ARHGAP26: variants seen among roughly 807,000 people sequenced by gnomAD.
ARHGAP26 encodes the protein rho GTPase-activating protein 26.
A neutral mutation model predicts 104.8 loss-of-function variants in ARHGAP26; 38 were observed. That is an observed-to-expected ratio of 0.36 (90% CI 0.28 to 0.48). The LOEUF (loss-of-function observed/expected upper bound fraction) is 0.48, where lower values mean the gene tolerates loss of function less well. ARHGAP26 is among the 20% of genes least tolerant of loss of function. ARHGAP26 has a pLI of 0.99. For synonymous variants in ARHGAP26, 341 were observed against 340.0 expected, an observed-to-expected ratio of 1.00 and a Z score of -0.03; for missense variants, 704 against 947.9, an observed-to-expected ratio of 0.74 and a Z score of 3.38.
At chr5:142,979,307 A>G (rs1049980501) in intron 11 of ARHGAP26, among the ~76,000 whole-genome samples, 1 of 152,172 alleles carries the variant, frequency 6.6e-6, no homozygotes, top group African/African-American at 2.4e-5. Flanking sequence ...TCCTCTCTAT[A>G]TCATCCCCCA....
chr5:142,839,880 C>CAG (rs1205133736), intron 1 of ARHGAP26, among the ~76,000 whole-genome samples: 2 of 114,866 alleles, frequency 1.7e-5, no homozygotes, highest in Admixed American at 1.3e-4. Context: ...TGTGTTGCGA[C>CAG]AGAGAGAGAG....
chr5:142,806,473 A>ATGTGTG (rs34179083), intron 1 of ARHGAP26, among the ~76,000 whole-genome samples: 75 of 147,776 alleles, frequency 5.1e-4, no homozygotes, highest in Non-Finnish European at 7.7e-4. Context: ...AGGCAATGAA[A>ATGTGTG]TGTGTGTGTG....
chr5:142,961,853 C>G (rs1352131939), intron 11 of ARHGAP26, among the ~76,000 whole-genome samples: 1 of 152,154 alleles, frequency 6.6e-6, no homozygotes, highest in Non-Finnish European at 1.5e-5. Context: ...TCTTCTCACT[C>G]TTCATATTTT....
At chr5:142,821,965 C>T (rs536355762) in intron 1 of ARHGAP26, among the ~76,000 whole-genome samples, 5 of 152,204 alleles carry the variant, frequency 3.3e-5, no homozygotes, top group Admixed American at 6.5e-5. Flanking sequence ...AAGGGCTGAC[C>T]CAGCCCTTTG....
At chr5:143,103,234 G>A (rs1793511738) in intron 17 of ARHGAP26, 1 of 984,898 alleles carries the variant, frequency 1.0e-6, no homozygotes, top group African/African-American at 1.7e-5. Flanking sequence ...CAGTAGACAT[G>A]GGAAAAAGTT....
At chr5:142,770,948 C>T in intron 1 of ARHGAP26, 33 bp downstream of exon 1, 3 of 1,575,414 alleles carry the variant, frequency 1.9e-6, no homozygotes, top group Non-Finnish European at 2.6e-6. Flanking sequence ...GGACGCGGCT[C>T]CGGGGCGGGA....
At chr5:143,139,805 T>A (rs1294182909) in intron 19 of ARHGAP26, among the ~76,000 whole-genome samples, 2 of 152,150 alleles carry the variant, frequency 1.3e-5, no homozygotes, top group Non-Finnish European at 2.9e-5. Flanking sequence ...AGATACACCA[T>A]CCAGCAGAGA....
intron 14 of ARHGAP26, among the ~76,000 whole-genome samples, chr5:143,048,837 G>A (rs920174668): frequency 8.6e-5 from 13 of 150,698 alleles, no homozygotes; most frequent in Non-Finnish European, 1.5e-4. Flanking sequence ...TCGCTTGAAC[G>A]TGGGAGGTGG....
intron 17 of ARHGAP26, among the ~76,000 whole-genome samples, chr5:143,061,383 A>T (rs1786678450): frequency 6.6e-6 from 1 of 152,226 alleles, no homozygotes; most frequent in Non-Finnish European, 1.5e-5. Flanking sequence ...TACCATTCGT[A>T]GTGGCTCATT....
At chr5:143,110,569 A>G (rs564771670) in intron 17 of ARHGAP26, among the ~76,000 whole-genome samples, 1 of 152,314 alleles carries the variant, frequency 6.6e-6, no homozygotes, top group Non-Finnish European at 1.5e-5. Context: ...ACTGGCATAC[A>G]CATGTGCAAC....
intron 11 of ARHGAP26, among the ~76,000 whole-genome samples, chr5:142,991,074 A>C (rs1381339462): frequency 6.6e-6 from 1 of 152,202 alleles, no homozygotes; most frequent in East Asian, 1.9e-4. Flanking sequence ...GAGTCTACAA[A>C]GGCAGGCAGG....
At chr5:142,857,985 A>G (rs1437179587) in intron 1 of ARHGAP26, among the ~76,000 whole-genome samples, 1 of 152,102 alleles carries the variant, frequency 6.6e-6, no homozygotes, top group East Asian at 1.9e-4. Context: ...GGTGAAATTC[A>G]AAAGCCAAAT....
intron 1 of ARHGAP26, among the ~76,000 whole-genome samples, chr5:142,803,512 C>A (rs562213189): frequency 6.6e-6 from 1 of 152,332 alleles, no homozygotes; most frequent in South Asian, 2.1e-4. Flanking sequence ...AAGGTCCCGT[C>A]ATCTATTAAA....
intron 20 of ARHGAP26, among the ~76,000 whole-genome samples, chr5:143,149,259 A>G (rs1254653152): frequency 6.6e-6 from 1 of 152,132 alleles, no homozygotes; most frequent in Non-Finnish European, 1.5e-5. Context: ...TAGAAAAAGA[A>G]GTGTGGGTGT....
At chr5:142,896,581 C>G (rs933068321) in intron 6 of ARHGAP26, among the ~76,000 whole-genome samples, 4 of 152,088 alleles carry the variant, frequency 2.6e-5, no homozygotes, top group African/African-American at 9.7e-5. Context: ...CTTCTTTTGT[C>G]TCTCCTCCCC....
At chr5:143,126,286 T>G (rs1328468270) in intron 18 of ARHGAP26, among the ~76,000 whole-genome samples, 13 of 152,178 alleles carry the variant, frequency 8.5e-5, no homozygotes, top group Non-Finnish European at 5.9e-5. Flanking sequence ...ATGGCATGGT[T>G]GTGAAAGACT....
intron 11 of ARHGAP26, among the ~76,000 whole-genome samples, chr5:142,937,594 C>T (rs896688521): frequency 2.6e-5 from 4 of 152,160 alleles, no homozygotes; most frequent in African/African-American, 9.7e-5. Context: ...TATGCATAAA[C>T]CTCCCTCATA....
chr5:143,047,556 C>G (rs1446046759), intron 14 of ARHGAP26, among the ~76,000 whole-genome samples: 2 of 152,128 alleles, frequency 1.3e-5, no homozygotes, highest in African/African-American at 4.8e-5. Context: ...AATGATATTC[C>G]CAAGTGTGTA....
At chr5:142,809,550 C>T (rs1038416167) in intron 1 of ARHGAP26, among the ~76,000 whole-genome samples, 3 of 152,108 alleles carry the variant, frequency 2.0e-5, no homozygotes, top group Non-Finnish European at 4.4e-5. Flanking sequence ...GTTCAGGGGC[C>T]AAAAGTCCTG....
Sources: allele counts gnomAD v4.1 joint callset (sites outside exome capture counted in the v4.1 genomes callset), GRCh38; gene constraint gnomAD v4.1.1; transcripts MANE v1.5; gene names NCBI Gene and HGNC (gene_info 2026-07-23, HGNC 2026-07-21).